LRBA: variants seen among roughly 807,000 people sequenced by gnomAD.
LRBA encodes lipopolysaccharide-responsive and beige-like anchor protein.
LRBA carries 176 observed loss-of-function variants against 330.0 expected under a neutral mutation model. That is an observed-to-expected ratio of 0.53 (90% CI 0.47 to 0.60). The LOEUF is 0.60. Among genes scored for constraint, LRBA ranks in the 20% least tolerant of loss-of-function variants. LRBA has a pLI of 0.00. For synonymous variants in LRBA, 1,230 were observed against 1,193.0 expected (o/e 1.03, Z -0.64); for missense variants, 3,259 against 3,444.8 (o/e 0.95, Z 1.35).
At chr4:150,396,706 G>A (rs1175693806) in intron 47 of LRBA, among the ~76,000 whole-genome samples, 1 of 152,152 alleles carries the variant, frequency 6.6e-6, no homozygotes, top group Non-Finnish European at 1.5e-5. Context: ...GATGAAAAAT[G>A]TTTGCTCACA....
chr4:150,321,279 G>T lies in LRBA; in HGVS notation c.7542C>A (p.Ala2514=), dbSNP rs776306042. The T allele has an allele frequency of 6.2e-7, 1 of 1,612,238 alleles. No individual in the cohort carries two copies. Among genetic ancestry groups the T allele is most frequent in the Non-Finnish European group, 8.5e-7 (1 of 1,179,390 alleles). ...PSNSPVTHVA[A]NTQPGLATPA... ...GAGTTGCCAAACCAGGCTGGGTGTT[G>T]GCTGCCACGTGAGTAACAGGGGAGT... The change falls in exon 50 of 57, where the codon GCC becomes GCA. Residue 2514 remains alanine, a synonymous_variant. Transcript: ENST00000651943. The surrounding 1 kb of genome is among the most constrained non-coding windows in gnomAD (Gnocchi z 4.5).
chr4:150,647,679 C>T (rs1779292736), intron 37 of LRBA, among the ~76,000 whole-genome samples: 1 of 151,990 alleles, frequency 6.6e-6, no homozygotes, highest in African/African-American at 2.4e-5. Flanking sequence ...AGGCATGAGC[C>T]ACCACACTCA....
intron 13 of LRBA, among the ~76,000 whole-genome samples, chr4:150,901,455 G>T (rs137950138): frequency 1.9e-4 from 29 of 152,270 alleles, no homozygotes; most frequent in African/African-American, 6.7e-4. Context: ...CTGAACAACT[G>T]TAAGTATAGG....
chr4:150,350,289 T>A, intron 47 of LRBA, 130 bp from the exon 48 acceptor site: 1 of 720,850 alleles, frequency 1.4e-6, no homozygotes, highest in African/African-American at 1.9e-5. Context: ...ACAAAACTTG[T>A]GGCCGGGCGC....
At chr4:150,489,069 T>C (rs1310265612) in intron 41 of LRBA, among the ~76,000 whole-genome samples, 1 of 57,602 alleles carries the variant, frequency 1.7e-5, no homozygotes, top group Non-Finnish European at 2.9e-5. Flanking sequence ...ATATATAATA[T>C]ATTATATATA....
At chr4:150,423,497 TC>T in intron 46 of LRBA, 1 of 512,178 alleles carries the variant, frequency 2.0e-6, no homozygotes, top group East Asian at 4.5e-5. Flanking sequence ...ATAATTTCTT[TC>T]CATGGACCTG....
chr4:150,338,595 G>A (rs1735054948), intron 48 of LRBA, among the ~76,000 whole-genome samples: 1 of 152,076 alleles, frequency 6.6e-6, no homozygotes, highest in Non-Finnish European at 1.5e-5. Context: ...CCTCTGCTGT[G>A]TTTGTACTTT....
At chr4:150,453,865 T>C (rs1753696356) in intron 44 of LRBA, among the ~76,000 whole-genome samples, 1 of 152,218 alleles carries the variant, frequency 6.6e-6, no homozygotes, top group Non-Finnish European at 1.5e-5. Context: ...TTCCTTTTCC[T>C]GTACGAAAAA....
At chr4:150,763,487 C>A (rs1005322264) in intron 34 of LRBA, among the ~76,000 whole-genome samples, 6 of 151,818 alleles carry the variant, frequency 4.0e-5, no homozygotes, top group African/African-American at 1.4e-4. Context: ...GTAAAACAAA[C>A]CAATATAAAA....
At chr4:150,518,449 G>A (rs1762589870) in intron 40 of LRBA, among the ~76,000 whole-genome samples, 1 of 152,152 alleles carries the variant, frequency 6.6e-6, no homozygotes, top group Admixed American at 6.5e-5. Flanking sequence ...CAAAACCATG[G>A]ATAAGGGGAG....
At chr4:150,801,850 T>C (rs1174080044) in intron 33 of LRBA, among the ~76,000 whole-genome samples, 2 of 151,964 alleles carry the variant, frequency 1.3e-5, no homozygotes, top group Non-Finnish European at 2.9e-5. Context: ...TTTTGCCCCA[T>C]TGAGACTGCA....
chr4:150,288,055 G>A (rs980960441), intron 53 of LRBA, among the ~76,000 whole-genome samples: 1 of 150,694 alleles, frequency 6.6e-6, no homozygotes, highest in Non-Finnish European at 1.5e-5. Context: ...GCGGTGGTGC[G>A]ATCTCGACTC....
chr4:150,457,107 T>C (rs1754175096), intron 44 of LRBA, among the ~76,000 whole-genome samples: 1 of 152,162 alleles, frequency 6.6e-6, no homozygotes, highest in African/African-American at 2.4e-5. Flanking sequence ...TTGTCTATTC[T>C]AATTTTTATA....
At chr4:150,996,492 T>C (rs1009713352) in intron 2 of LRBA, among the ~76,000 whole-genome samples, 7 of 152,192 alleles carry the variant, frequency 4.6e-5, no homozygotes, top group Admixed American at 1.3e-4. Flanking sequence ...CATTCCATTT[T>C]TTCCTGATTA....
In LRBA at chr4:150,712,521, G is replaced by A. The variant is rs56164442; in HGVS notation, c.5754+22737C>T. Among the ~76,000 whole-genome samples the A allele has an allele frequency of 5.6e-3, 853 of 152,268 alleles. 4 individuals are homozygous for A. The highest frequency in any genetic ancestry group is 8.6e-3 in the Non-Finnish European group (587 of 68,020). Reference sequence around the variant, plus strand: ...CAATGTCCTAATCAAAACATAAAGTGAGGTAAAAGTTTACAATTTTTTCTC... The same window carrying A: ...CAATGTCCTAATCAAAACATAAAGTAAGGTAAAAGTTTACAATTTTTTCTC... On this transcript the variant is annotated intron_variant, in intron 36 of 56. Coordinates refer to ENST00000651943, the MANE Select transcript of LRBA (RefSeq NM_001364905.1).
chr4:150,894,451 A>G (rs1202214928), intron 16 of LRBA, among the ~76,000 whole-genome samples: 1 of 152,230 alleles, frequency 6.6e-6, no homozygotes, highest in Non-Finnish European at 1.5e-5. Context: ...AACGAGTTCT[A>G]GACCCCCAAA....
chr4:150,977,872 T>A (rs927027603), intron 2 of LRBA, among the ~76,000 whole-genome samples: 4 of 152,200 alleles, frequency 2.6e-5, no homozygotes, highest in Non-Finnish European at 5.9e-5. Context: ...AGCCACAGAA[T>A]AGAGCACCAG....
intron 13 of LRBA, among the ~76,000 whole-genome samples, chr4:150,904,252 T>C (rs1317326779): frequency 1.3e-5 from 2 of 152,204 alleles, no homozygotes; most frequent in Non-Finnish European, 2.9e-5. Context: ...TGCATTATAT[T>C]GTATTCTTCT....
At chr4:150,697,344 A>AAAAAAC (rs1784736705) in intron 36 of LRBA, among the ~76,000 whole-genome samples, 2 of 148,740 alleles carry the variant, frequency 1.3e-5, no homozygotes, top group African/African-American at 5.0e-5. Context: ...AAAAAAAAAA[A>AAAAAAC]AAAAAAACAG....
Sources: allele counts gnomAD v4.1 joint callset (sites outside exome capture counted in the v4.1 genomes callset), GRCh38; gene constraint gnomAD v4.1.1; non-coding constraint Gnocchi (gnomAD v3.1); transcripts MANE v1.5; gene names NCBI Gene and HGNC (gene_info 2026-07-23, HGNC 2026-07-21).